Variants in ZNF600 observed in about 807,000 individuals in gnomAD.
ZNF600 encodes zinc finger protein KR-ZNF1.
A neutral mutation model predicts 7.3 loss-of-function variants in ZNF600; 4 were observed. That is an observed-to-expected ratio of 0.55 (90% CI 0.27 to 1.25). ZNF600 has a LOEUF of 1.25. Among genes scored for constraint, ZNF600 ranks in the 50% most tolerant of loss-of-function variants. ZNF600 has a pLI of 0.12. For synonymous variants in ZNF600, 290 were observed against 308.9 expected (o/e 0.94, Z 0.64); for missense variants, 911 against 922.1 (o/e 0.99, Z 0.16).
At chr19:52,779,563 C>G (rs2062704054) in intron 1 of ZNF600, among the ~76,000 whole-genome samples, 1 of 152,060 alleles carries the variant, frequency 6.6e-6, no homozygotes, top group Non-Finnish European at 1.5e-5. Flanking sequence ...CAACGTGGAC[C>G]AGAGGTGGGG....
the ZNF600 span, chr19:52,800,228 T>A: frequency 1.9e-6 from 3 of 1,613,546 alleles, no homozygotes; most frequent in Non-Finnish European, 2.5e-6. Context: ...TATGATGACA[T>A]GCAAGGTTTG....
chr19:52,786,684 G>A (rs891934910), exon 1 of ZNF600: 6 of 241,198 alleles, frequency 2.5e-5, no homozygotes, highest in East Asian at 2.3e-4. Context: ...CAGAAGCGCC[G>A]GGGACCTGGG....
At chr19:52,804,377 G>A in the ZNF600 span, among the ~76,000 whole-genome samples, 3 of 152,084 alleles carry the variant, frequency 2.0e-5, no homozygotes, top group African/African-American at 7.2e-5. Flanking sequence ...TACCTCAAGT[G>A]ATTCTCCCTC....
chr19:52,829,214 TTTTATTTTA>T, the ZNF600 span, among the ~76,000 whole-genome samples: 2 of 48,778 alleles, frequency 4.1e-5, no homozygotes, highest in Non-Finnish European at 1.5e-4. Context: ...TTTTATTTTA[TTTTATTTTA>T]TTTTATTTTA....
chr19:52,800,340 T>C, the ZNF600 span: 2 of 1,614,048 alleles, frequency 1.2e-6, no homozygotes, highest in African/African-American at 2.7e-5. Context: ...CCGGAAAGCC[T>C]TGTCACAAAC....
the ZNF600 span, chr19:52,810,564 G>C: frequency 6.3e-6 from 10 of 1,593,294 alleles, no homozygotes; most frequent in Admixed American, 8.4e-5. Context: ...ACAACAGACC[G>C]GGGTCTTCCA....
upstream of ZNF600, among the ~76,000 whole-genome samples, chr19:52,788,800 C>T (rs2062784657): frequency 6.6e-6 from 1 of 152,198 alleles, no homozygotes; most frequent in South Asian, 2.1e-4. Context: ...AGATGAGAAT[C>T]ACCTGCACCA....
At chr19:52,806,545 A>C in the ZNF600 span, among the ~76,000 whole-genome samples, 1 of 145,770 alleles carries the variant, frequency 6.9e-6, no homozygotes, top group Non-Finnish European at 1.5e-5. Context: ...TAATATGTTT[A>C]ACATACCTGC....
chr19:52,817,425 G>C, the ZNF600 span, among the ~76,000 whole-genome samples: 1 of 152,130 alleles, frequency 6.6e-6, no homozygotes, highest in Non-Finnish European at 1.5e-5. Context: ...ATCTATGTAT[G>C]AACATTCCAT....
At chr19:52,793,834 C>T in the ZNF600 span, among the ~76,000 whole-genome samples, 1 of 151,646 alleles carries the variant, frequency 6.6e-6, no homozygotes, top group East Asian at 1.9e-4. Context: ...GATGTATCTT[C>T]TCAGTCATTT....
the ZNF600 span, chr19:52,809,961 G>A: frequency 7.5e-6 from 6 of 802,386 alleles, no homozygotes; most frequent in Admixed American, 4.0e-5. Flanking sequence ...CGCAGGGGAC[G>A]ATGGGAACGG....
At chr19:52,765,492 C>T (rs1393070067) in exon 4 of ZNF600, 3 of 1,588,366 alleles carry the variant, frequency 1.9e-6, no homozygotes, top group Non-Finnish European at 2.6e-6. Context: ...AAATTTGCCA[C>T]ATTTATTACA....
At chr19:52,832,713 C>G in the ZNF600 span, among the ~76,000 whole-genome samples, 1 of 152,128 alleles carries the variant, frequency 6.6e-6, no homozygotes, top group Non-Finnish European at 1.5e-5. Flanking sequence ...CTGCTGTAAA[C>G]TCTAAATTGT....
intron 3 of ZNF600, among the ~76,000 whole-genome samples, chr19:52,771,641 C>T (rs2062631213): frequency 6.6e-6 from 1 of 152,150 alleles, no homozygotes; most frequent in South Asian, 2.1e-4. Context: ...ACACACCCAG[C>T]TAATTTTTGT....
the ZNF600 span, among the ~76,000 whole-genome samples, chr19:52,833,054 A>G: frequency 1.3e-5 from 2 of 152,188 alleles, no homozygotes; most frequent in Non-Finnish European, 2.9e-5. Context: ...TACAGGCATA[A>G]GCCACCACAC....
the ZNF600 span, among the ~76,000 whole-genome samples, chr19:52,825,050 G>A: frequency 6.6e-6 from 1 of 152,090 alleles, no homozygotes; most frequent in Non-Finnish European, 1.5e-5. Flanking sequence ...GGCACATGGT[G>A]CTCTCTCATG....
At chr19:52,787,335 C>T (rs913709719), upstream of ZNF600, among the ~76,000 whole-genome samples, 3 of 152,000 alleles carry the variant, frequency 2.0e-5, no homozygotes, top group Non-Finnish European at 4.4e-5. Flanking sequence ...TCCAGGCCAT[C>T]CTGGGCGACA....
chr19:52,811,725 T>C, the ZNF600 span, among the ~76,000 whole-genome samples: 7 of 145,434 alleles, frequency 4.8e-5, no homozygotes, highest in African/African-American at 1.3e-4. Flanking sequence ...GTGAGGAGCG[T>C]CTCCGCCCGG....
rs142549859 is a variant in ZNF600, at chr19:52,767,538, T to C, written c.425A>G (p.His142Arg). Residue 142 changes from histidine (H) to arginine (R), a missense_variant, in exon 4 of 4, where the codon CAT (histidine) becomes CGT (arginine). Coordinates refer to ENST00000648973, the Ensembl canonical transcript of ZNF600. ...CTTGTTTCCAGCATGCCTGTGATCATGTTGGTCTGTGCTACCAGTCAACTT... is the reference window on the plus strand; with the variant it reads ...CTTGTTTCCAGCATGCCTGTGATCACGTTGGTCTGTGCTACCAGTCAACTT... The C allele has an allele frequency of 1.5e-3, 2,411 of 1,614,084 alleles. 1 individual carries two copies. The highest frequency in any genetic ancestry group is 2.0e-3 in the Non-Finnish European group (2,349 of 1,180,028).
Sources: gnomAD v4.1 joint callset for allele counts (sites outside exome capture counted in the v4.1 genomes callset) on GRCh38, gnomAD v4.1.1 for gene constraint, MANE v1.5 for transcripts, NCBI Gene and HGNC (gene_info 2026-07-23, HGNC 2026-07-21) for gene names.